Variants in ADGRG5 observed in about 807,000 individuals in gnomAD.
ADGRG5 encodes G protein-coupled receptor 114.
In ADGRG5, 37 loss-of-function variants were observed where a neutral mutation model predicts 53.2. That is an observed-to-expected ratio of 0.70 (90% CI 0.53 to 0.91). ADGRG5 has a LOEUF of 0.91. Among genes scored for constraint, ADGRG5 ranks in the 40% least tolerant of loss-of-function variants. The pLI is 0.00. For synonymous variants in ADGRG5, 277 were observed against 290.4 expected (o/e 0.95, Z 0.47); for missense variants, 614 against 675.8 (o/e 0.91, Z 1.01).
intron 1 of ADGRG5, among the ~76,000 whole-genome samples, chr16:57,559,791 G>C (rs1161786884): frequency 6.6e-6 from 1 of 151,278 alleles, no homozygotes; most frequent in Non-Finnish European, 1.5e-5. Context: ...CCATTGTTAT[G>C]ATGGGAACAA....
At chr16:57,562,189 C>T (rs763345234) in intron 2 of ADGRG5, 32 bp downstream of exon 2, 1 of 1,568,864 alleles carries the variant, frequency 6.4e-7, no homozygotes, top group Non-Finnish European at 8.7e-7. Context: ...GGGGGCAGCC[C>T]TAGCCCAGTC....
At chr16:57,537,858 G>A (rs116735774), upstream of ADGRG5, among the ~76,000 whole-genome samples, 1,466 of 152,282 alleles carry the variant, frequency 9.6e-3, 31 homozygotes, top group South Asian at 0.081. Flanking sequence ...ACCAGCCAGA[G>A]ATAGATAGGA....
chr16:57,563,502 G>A (rs1472819606), intron 4 of ADGRG5, among the ~76,000 whole-genome samples: 5 of 152,246 alleles, frequency 3.3e-5, no homozygotes, highest in Admixed American at 6.5e-5. Context: ...GAGGCTGCCC[G>A]CTGCGGGAGG....
At chr16:57,551,197 G>C (rs1198639456) in intron 1 of ADGRG5, among the ~76,000 whole-genome samples, 3 of 152,172 alleles carry the variant, frequency 2.0e-5, no homozygotes, top group African/African-American at 7.2e-5. Flanking sequence ...CTGGTGGAAA[G>C]TCTTGCCTTG....
At chr16:57,560,463 C>A (rs983308852) in intron 1 of ADGRG5, among the ~76,000 whole-genome samples, 4 of 152,192 alleles carry the variant, frequency 2.6e-5, no homozygotes, top group African/African-American at 9.7e-5. Flanking sequence ...CATTGAGGAA[C>A]ACAAAAATGG....
intron 9 of ADGRG5, among the ~76,000 whole-genome samples, chr16:57,569,039 C>T (rs2033246080): frequency 2.0e-5 from 3 of 151,446 alleles, no homozygotes; most frequent in South Asian, 2.1e-4. Flanking sequence ...ATCACCATCT[C>T]CTCCACCTCC....
the ADGRG5 span, chr16:57,536,370 C>T: frequency 6.6e-6 from 1 of 152,398 alleles, no homozygotes; most frequent in Admixed American, 6.5e-5. Flanking sequence ...GCCGCGGGCG[C>T]CCCGACTGTG....
chr16:57,562,437 C>T lies in ADGRG5; in HGVS notation c.118C>T (p.Arg40Trp), dbSNP rs561596941. 1.0e-5 allele frequency: 16 copies of T among 1,604,882 alleles called. No individual in the cohort carries two copies. The highest frequency in any genetic ancestry group is 5.6e-5 in the South Asian group (5 of 89,002). Residue 40 changes from arginine to tryptophan, a missense_variant, in exon 3 of 12, where the codon CGG becomes TGG. By Grantham distance (101) the Arg-to-Trp change is moderately radical. Coordinates refer to ENST00000349457, the MANE Select transcript of ADGRG5 (RefSeq NM_001304376.3). ...GGAGAATATGCAGGTGTCCAGGGGC[C>T]GGAGCTCAGTTTTTTCCTCTCGGTG... is the stretch of plus-strand genomic sequence containing the variant. ...YMENMQVSRGRSSVFSSRQLH... is the reference protein window; with the variant it reads ...YMENMQVSRGWSSVFSSRQLH...
At chr16:57,548,544 C>A (rs1402087772) in intron 1 of ADGRG5, among the ~76,000 whole-genome samples, 1 of 152,126 alleles carries the variant, frequency 6.6e-6, no homozygotes, top group East Asian at 1.9e-4. Context: ...ACACCACGAT[C>A]AAGACACAGA....
At chr16:57,570,974 G>A (rs2033337305) in intron 10 of ADGRG5, among the ~76,000 whole-genome samples, 1 of 152,170 alleles carries the variant, frequency 6.6e-6, no homozygotes, top group Non-Finnish European at 1.5e-5. Context: ...TCGGACAAGA[G>A]TGCTGTGGGG....
intron 1 of ADGRG5, among the ~76,000 whole-genome samples, chr16:57,544,571 G>A (rs1480037600): frequency 1.3e-4 from 20 of 152,218 alleles, no homozygotes; most frequent in African/African-American, 4.8e-4. Flanking sequence ...GGAACCAGTG[G>A]GGGTAAGAGC....
the ADGRG5 span, among the ~76,000 whole-genome samples, chr16:57,533,716 G>A: frequency 0.02 from 2,975 of 149,458 alleles, 48 homozygotes; most frequent in Non-Finnish European, 0.032. Context: ...ATACAGCCCC[G>A]GTAATGCACA....
chr16:57,532,686 C>T, the ADGRG5 span, among the ~76,000 whole-genome samples: 1 of 141,830 alleles, frequency 7.1e-6, no homozygotes, highest in South Asian at 2.3e-4. Flanking sequence ...ATGCTCATCC[C>T]CAAGTGAAGC....
At chr16:57,534,077 C>T in the ADGRG5 span, among the ~76,000 whole-genome samples, 1 of 152,174 alleles carries the variant, frequency 6.6e-6, no homozygotes, top group East Asian at 1.9e-4. Context: ...ATTCCAAATG[C>T]CCATGTCCCA....
rs9937918 is a variant in ADGRG5, at chr16:57,567,880, C to T, written c.846C>T (p.Arg282=). Residue 282 remains arginine, a synonymous_variant, in exon 9 of 12, where the codon CGC becomes CGT. Transcript: ENST00000349457. ...HFRKQSDSLT[R]IHMNLHASVL... ...GGAAGCAGAGTGACTCCTTAACACG[C>T]ATCCACATGAACCTGCATGCCTCCG... is the stretch of plus-strand genomic sequence containing the variant. 0.31 allele frequency: 502,141 copies of T among 1,610,494 alleles called. 86,127 individuals are homozygous for T. The highest frequency in any genetic ancestry group is 0.74 in the East Asian group (33,231 of 44,786).
chr16:57,551,502 A>G (rs2032753094), intron 1 of ADGRG5, among the ~76,000 whole-genome samples: 1 of 152,042 alleles, frequency 6.6e-6, no homozygotes, highest in South Asian at 2.1e-4. Flanking sequence ...TCAAAAAACC[A>G]CTCATTGTTC....
At chr16:57,529,342 C>T in the ADGRG5 span, 1 of 961,536 alleles carries the variant, frequency 1.0e-6, no homozygotes, top group East Asian at 5.2e-5. This position sits in a 1 kb window ranked among gnomAD's most constrained non-coding sequence, Gnocchi z 4.1. Context: ...AGAACACAAC[C>T]GTTATTGGAC....
At chr16:57,567,333 CTTGTTCAAGCCAGGTCCATGGCT>C in intron 7 of ADGRG5, 114 bp from the exon 8 acceptor site, 1 of 908,120 alleles carries the variant, frequency 1.1e-6, no homozygotes, top group East Asian at 2.6e-5. Context: ...CTGCCATGGC[CTTGTTCAAGCCAGGTCCATGGCT>C]AGGCTTGTGG....
At chr16:57,548,932 C>T (rs543309246) in intron 1 of ADGRG5, among the ~76,000 whole-genome samples, 1 of 152,088 alleles carries the variant, frequency 6.6e-6, no homozygotes, top group East Asian at 1.9e-4. Flanking sequence ...TGTGTGAACA[C>T]GAGGTTTCAT....
Sources: allele counts gnomAD v4.1 joint callset (sites outside exome capture counted in the v4.1 genomes callset), GRCh38; gene constraint gnomAD v4.1.1; non-coding constraint Gnocchi (gnomAD v3.1); transcripts MANE v1.5; gene names NCBI Gene and HGNC (gene_info 2026-07-23, HGNC 2026-07-21).